The following KCNB2 variants were observed in gnomAD, a reference collection of about 807,000 sequenced individuals.
The protein encoded by KCNB2 is delayed rectifier potassium channel protein.
KCNB2 carries 15 observed loss-of-function variants against 61.5 expected under a neutral mutation model. The ratio of observed to expected loss-of-function variants is 0.24; its 90% CI spans 0.16 to 0.38. The LOEUF is 0.38. Ranked by LOEUF, KCNB2 falls within the 10% of genes least tolerant of loss-of-function variation. The pLI, the probability that KCNB2 is intolerant of heterozygous loss-of-function variation, is 1.00. For synonymous variants in KCNB2, 457 were observed against 446.0 expected (o/e 1.02, Z -0.31); for missense variants, 828 against 1,125.2 (o/e 0.74, Z 3.78).
intron 2 of KCNB2, among the ~76,000 whole-genome samples, chr8:72,767,192 G>T (rs976967656): frequency 3.3e-5 from 5 of 152,120 alleles, no homozygotes; most frequent in African/African-American, 9.7e-5. Flanking sequence ...ATATCACATG[G>T]TATATCCACC....
intron 2 of KCNB2, among the ~76,000 whole-genome samples, chr8:72,652,549 T>C (rs889385789): frequency 2.0e-5 from 3 of 151,986 alleles, no homozygotes; most frequent in Admixed American, 6.6e-5. Flanking sequence ...GAAAGTAAAA[T>C]CCAAACTCCT....
chr8:72,602,291 G>A (rs1189624497), intron 2 of KCNB2, among the ~76,000 whole-genome samples: 1 of 152,078 alleles, frequency 6.6e-6, no homozygotes, highest in African/African-American at 2.4e-5. Flanking sequence ...TTGGGGAGGT[G>A]GCCTCAAGTT....
chr8:72,774,730 C>A (rs1191468732), intron 2 of KCNB2, among the ~76,000 whole-genome samples: 1 of 152,004 alleles, frequency 6.6e-6, no homozygotes, highest in South Asian at 2.1e-4. Context: ...TAAGAATTCT[C>A]ATGTCCTACT....
intron 2 of KCNB2, among the ~76,000 whole-genome samples, chr8:72,757,929 A>G (rs1276726486): frequency 6.6e-6 from 1 of 152,214 alleles, no homozygotes. Context: ...AGATTACGAT[A>G]CCAAGCCAAG....
intron 2 of KCNB2, among the ~76,000 whole-genome samples, chr8:72,740,184 T>G (rs1466606093): frequency 6.6e-6 from 1 of 152,194 alleles, no homozygotes; most frequent in Non-Finnish European, 1.5e-5. Flanking sequence ...TCAGATCAAG[T>G]TGAATTATTT....
intron 2 of KCNB2, among the ~76,000 whole-genome samples, chr8:72,661,741 G>T (rs940009192): frequency 2.6e-5 from 4 of 152,136 alleles, no homozygotes; most frequent in Non-Finnish European, 5.9e-5. Flanking sequence ...GATGTGTGTT[G>T]ATGCATCTTC....
intron 2 of KCNB2, among the ~76,000 whole-genome samples, chr8:72,729,044 C>A (rs2128993333): frequency 6.6e-6 from 1 of 152,262 alleles, no homozygotes; most frequent in East Asian, 1.9e-4. Flanking sequence ...TGTGTCCTGG[C>A]AATTAAAGTG....
intron 2 of KCNB2, among the ~76,000 whole-genome samples, chr8:72,758,387 G>A (rs1274649464): frequency 1.3e-5 from 2 of 152,204 alleles, no homozygotes; most frequent in Non-Finnish European, 2.9e-5. Context: ...GTGTGGCAAA[G>A]TCCAGGGTCC....
chr8:72,907,342 C>A (rs1806196700), intron 2 of KCNB2, among the ~76,000 whole-genome samples: 1 of 151,918 alleles, frequency 6.6e-6, no homozygotes, highest in Non-Finnish European at 1.5e-5. Flanking sequence ...AGGGACAGAG[C>A]AAGACTCCAT....
intron 2 of KCNB2, among the ~76,000 whole-genome samples, chr8:72,840,782 C>T (rs1221235609): frequency 6.6e-6 from 1 of 151,602 alleles, no homozygotes; most frequent in Non-Finnish European, 1.5e-5. Context: ...TGTTTAAGTT[C>T]CTTGTAGATT....
At chr8:72,678,432 T>A (rs1390384233) in intron 2 of KCNB2, among the ~76,000 whole-genome samples, 1 of 151,734 alleles carries the variant, frequency 6.6e-6, no homozygotes, top group Admixed American at 6.6e-5. Context: ...TTGCAGCCAA[T>A]CTGGCCTCTT....
At chr8:72,760,144 T>A (rs1808353224) in intron 2 of KCNB2, among the ~76,000 whole-genome samples, 1 of 152,204 alleles carries the variant, frequency 6.6e-6, no homozygotes, top group South Asian at 2.1e-4. Flanking sequence ...CCAGATGTCA[T>A]GGAAAGTCTA....
chr8:72,715,241 A>G (rs1011564219), intron 2 of KCNB2, among the ~76,000 whole-genome samples: 3 of 152,236 alleles, frequency 2.0e-5, no homozygotes, highest in Admixed American at 1.3e-4. Context: ...TGTCAACATT[A>G]CACAGATCAA....
At chr8:72,731,749 A>G (rs1412522584) in intron 2 of KCNB2, among the ~76,000 whole-genome samples, 3 of 152,232 alleles carry the variant, frequency 2.0e-5, no homozygotes, top group Middle Eastern at 3.2e-3. Context: ...AAAACAGATC[A>G]TAAATCAATA....
At chr8:72,648,631 A>G (rs1806167636) in intron 2 of KCNB2, among the ~76,000 whole-genome samples, 2 of 151,340 alleles carry the variant, frequency 1.3e-5, no homozygotes, top group Admixed American at 6.6e-5. Context: ...ACAAATTTAT[A>G]TTAATGAATG....
Position 72,610,297 on chromosome 8 carries a change from T to G in KCNB2, c.579+41984T>G, listed in dbSNP as rs79456368. ...TCTTGCTTAAATCAGTGGGATTTCTTCCTCCAACTGATGTGCTTAAAAACC... is the reference window on the plus strand; with the variant it reads ...TCTTGCTTAAATCAGTGGGATTTCTGCCTCCAACTGATGTGCTTAAAAACC... On this transcript the variant is annotated intron_variant, in intron 2 of 2. Coordinates refer to ENST00000523207, the MANE Select transcript of KCNB2 (RefSeq NM_004770.3). Among the ~76,000 whole-genome samples, 7 of 152,306 alleles carry G rather than the reference T, an allele frequency of 4.6e-5. No homozygotes were observed. The East Asian group carries it at 1.2e-3, about 25-fold the overall frequency.
intron 2 of KCNB2, among the ~76,000 whole-genome samples, chr8:72,897,798 A>G (rs1042687353): frequency 6.6e-6 from 1 of 152,148 alleles, no homozygotes; most frequent in Non-Finnish European, 1.5e-5. Flanking sequence ...TGGGAAATCA[A>G]TATAAATTCT....
At chr8:72,820,003 T>A (rs1809467153) in intron 2 of KCNB2, among the ~76,000 whole-genome samples, 1 of 152,134 alleles carries the variant, frequency 6.6e-6, no homozygotes, top group Admixed American at 6.5e-5. Flanking sequence ...ACATGGTCTG[T>A]GTGCTTCTAC....
At chr8:72,754,043 C>T (rs1259607456) in intron 2 of KCNB2, among the ~76,000 whole-genome samples, 1 of 152,066 alleles carries the variant, frequency 6.6e-6, no homozygotes, top group African/African-American at 2.4e-5. Context: ...AGTACAAAGA[C>T]AGATTGGCTC....
Sources: allele counts gnomAD v4.1 joint callset (sites outside exome capture counted in the v4.1 genomes callset), GRCh38; gene constraint gnomAD v4.1.1; transcripts MANE v1.5; gene names NCBI Gene and HGNC (gene_info 2026-07-23, HGNC 2026-07-21).